Variants in KDM4C observed in about 807,000 individuals in gnomAD.
KDM4C encodes the protein lysine demethylase 4C.
In KDM4C, 81 loss-of-function variants were observed where a neutral mutation model predicts 129.3. That is an observed-to-expected ratio of 0.63 (90% CI 0.52 to 0.75). KDM4C has a LOEUF of 0.75. Ranked by LOEUF, KDM4C falls within the 30% of genes least tolerant of loss-of-function variation. The pLI, the probability that KDM4C is intolerant of heterozygous loss-of-function variation, is 0.00. For synonymous variants in KDM4C, 573 were observed against 456.1 expected (o/e 1.26, Z -3.26); for missense variants, 1,457 against 1,304.0 (o/e 1.12, Z -1.81).
chr9:6,927,086 A>T (rs1470438344), intron 8 of KDM4C, among the ~76,000 whole-genome samples: 1 of 123,454 alleles, frequency 8.1e-6, no homozygotes, highest in Non-Finnish European at 1.8e-5. Flanking sequence ...TTCAAAAAAA[A>T]TTTTCTATCT....
At chr9:6,816,431 T>TC (rs145540356) in intron 4 of KDM4C, among the ~76,000 whole-genome samples, 9,954 of 152,248 alleles carry the variant, frequency 0.065, 482 homozygotes, top group Non-Finnish European at 0.1. Flanking sequence ...GGTAACTAGA[T>TC]CTTCTGACTT....
intron 17 of KDM4C, among the ~76,000 whole-genome samples, chr9:7,069,012 T>A (rs1237027190): frequency 6.6e-6 from 1 of 152,108 alleles, no homozygotes; most frequent in Non-Finnish European, 1.5e-5. Context: ...TGCCCTACTT[T>A]CTATCCGAAC....
intron 18 of KDM4C, among the ~76,000 whole-genome samples, chr9:7,108,765 C>T (rs1837989836): frequency 6.6e-6 from 1 of 152,124 alleles, no homozygotes; most frequent in Admixed American, 6.5e-5. Flanking sequence ...AACAGTGAAA[C>T]ATTCTAGGCC....
intron 17 of KDM4C, among the ~76,000 whole-genome samples, chr9:7,068,682 C>CTCTCTTT (rs1491581614): frequency 1.1e-5 from 1 of 88,534 alleles, no homozygotes; most frequent in African/African-American, 4.5e-5. Flanking sequence ...TTATGATGCC[C>CTCTCTTT]TTTCTTTTTT....
chr9:7,003,278 A>T (rs375830707), intron 12 of KDM4C, among the ~76,000 whole-genome samples: 1 of 152,220 alleles, frequency 6.6e-6, no homozygotes, highest in African/African-American at 2.4e-5. Flanking sequence ...AATAGTGTAG[A>T]TAAACTTCCC....
intron 15 of KDM4C, among the ~76,000 whole-genome samples, chr9:7,018,856 C>T (rs890170884): frequency 2.4e-4 from 36 of 152,182 alleles, no homozygotes; most frequent in African/African-American, 8.4e-4. Flanking sequence ...TAACTCCTTG[C>T]CCCCTCAGAA....
chr9:7,173,465 A>G (rs968035438), intron 21 of KDM4C, among the ~76,000 whole-genome samples: 1 of 152,202 alleles, frequency 6.6e-6, no homozygotes, highest in Admixed American at 6.5e-5. Context: ...GCAAGGGCAT[A>G]TGATCATGTA....
At chr9:6,876,982 T>C (rs1426044345) in intron 5 of KDM4C, among the ~76,000 whole-genome samples, 1 of 152,196 alleles carries the variant, frequency 6.6e-6, no homozygotes, top group Non-Finnish European at 1.5e-5. Flanking sequence ...ATATGGTAAT[T>C]AGAAATCACC....
At chr9:7,062,238 G>T (rs1831798253) in intron 17 of KDM4C, among the ~76,000 whole-genome samples, 1 of 152,120 alleles carries the variant, frequency 6.6e-6, no homozygotes, top group South Asian at 2.1e-4. Context: ...AAAGTGCTGG[G>T]ATTACAGGTG....
At chr9:6,953,846 A>G (rs924298070) in intron 8 of KDM4C, among the ~76,000 whole-genome samples, 1 of 152,162 alleles carries the variant, frequency 6.6e-6, no homozygotes, top group Non-Finnish European at 1.5e-5. Flanking sequence ...CTGCCTCATC[A>G]TCATTACATA....
At chr9:6,795,618 C>A (rs2130905085) in intron 2 of KDM4C, among the ~76,000 whole-genome samples, 1 of 152,176 alleles carries the variant, frequency 6.6e-6, no homozygotes, top group Non-Finnish European at 1.5e-5. Context: ...AGGCATGAGC[C>A]ACCGTGCCCG....
At chr9:7,059,049 A>G (rs558321479) in intron 17 of KDM4C, among the ~76,000 whole-genome samples, 30 of 152,354 alleles carry the variant, frequency 2.0e-4, no homozygotes, top group Admixed American at 9.1e-4. Flanking sequence ...CAGGCTTTTT[A>G]AATGAGATTA....
intron 8 of KDM4C, among the ~76,000 whole-genome samples, chr9:6,956,431 G>A (rs549163552): frequency 1.3e-5 from 2 of 152,120 alleles, no homozygotes; most frequent in Non-Finnish European, 1.5e-5. Context: ...ATGTGGGTGC[G>A]GACGAAGGCT....
At chr9:6,891,882 G>A (rs1846161191) in intron 7 of KDM4C, among the ~76,000 whole-genome samples, 1 of 151,904 alleles carries the variant, frequency 6.6e-6, no homozygotes. Flanking sequence ...TAGGGGCATG[G>A]GATATACAGG....
Position 6,984,149 on chromosome 9 carries a change from G to C in KDM4C, c.1116-17G>C, listed in dbSNP as rs762598768. ...TTGCAGACATCCCGCTCTGACCACT[G>C]CTTCTCTTGTTGACAGCTTCCAGTG... is the stretch of plus-strand genomic sequence containing the variant. On this transcript the variant is annotated splice_polypyrimidine_tract_variant and intron_variant, in intron 9 of 21. Transcript: ENST00000381309. The C allele has an allele frequency of 1.3e-5, 21 of 1,557,104 alleles. No individual in the cohort carries two copies. Among genetic ancestry groups the C allele is most frequent in the Non-Finnish European group, 1.8e-5 (20 of 1,129,072 alleles).
At chr9:6,796,716 T>G (rs1288060414) in intron 2 of KDM4C, among the ~76,000 whole-genome samples, 2 of 152,226 alleles carry the variant, frequency 1.3e-5, no homozygotes, top group African/African-American at 4.8e-5. Flanking sequence ...TTGGAGACAT[T>G]AATTTACTCA....
At chr9:6,835,058 C>G in intron 4 of KDM4C, 1 of 960,104 alleles carries the variant, frequency 1.0e-6, no homozygotes, top group South Asian at 1.3e-5. Flanking sequence ...TTCACCACCA[C>G]GGCTGAGTGG....
At chr9:6,858,154 T>C (rs999811458) in intron 5 of KDM4C, among the ~76,000 whole-genome samples, 3 of 152,200 alleles carry the variant, frequency 2.0e-5, no homozygotes, top group African/African-American at 7.2e-5. Context: ...TTTAAAGGAA[T>C]GAATTGAAGA....
chr9:6,852,713 C>G (rs1417081529), intron 5 of KDM4C, among the ~76,000 whole-genome samples: 1 of 152,156 alleles, frequency 6.6e-6, no homozygotes, highest in African/African-American at 2.4e-5. Flanking sequence ...TATAGGTTGG[C>G]ATTTCAAGTC....
Sources: gnomAD v4.1 joint callset for allele counts (sites outside exome capture counted in the v4.1 genomes callset) on GRCh38, gnomAD v4.1.1 for gene constraint, MANE v1.5 for transcripts, NCBI Gene and HGNC (gene_info 2026-07-23, HGNC 2026-07-21) for gene names.